NDST4: variants seen among roughly 807,000 people sequenced by gnomAD.
NDST4 encodes N-heparan sulfate sulfotransferase 4.
NDST4 carries 63 observed loss-of-function variants against 100.8 expected under a neutral mutation model. The observed-to-expected ratio is 0.62, with a 90% CI of 0.51 to 0.77. The LOEUF (loss-of-function observed/expected upper bound fraction) is 0.77. Among genes scored for constraint, NDST4 ranks in the 30% least tolerant of loss-of-function variants. The pLI, the probability that NDST4 is intolerant of heterozygous loss-of-function variation, is 0.00. For missense variants in NDST4, 943 were observed against 1,018.4 expected (o/e 0.93, Z 1.01); for synonymous variants, 377 against 361.8 (o/e 1.04, Z -0.48).
At chr4:114,945,506 T>C (rs929173111) in intron 4 of NDST4, among the ~76,000 whole-genome samples, 6 of 152,180 alleles carry the variant, frequency 3.9e-5, no homozygotes, top group Non-Finnish European at 8.8e-5. Flanking sequence ...TGATAAATAA[T>C]TTTAAAGGAA....
At chr4:114,886,436 C>T (rs970900724) in intron 6 of NDST4, among the ~76,000 whole-genome samples, 4 of 151,956 alleles carry the variant, frequency 2.6e-5, no homozygotes, top group Non-Finnish European at 5.9e-5. Flanking sequence ...AAACACTTTC[C>T]GGTAGCTGTT....
chr4:115,046,989 C>T (rs536013446), intron 2 of NDST4, among the ~76,000 whole-genome samples: 4 of 152,062 alleles, frequency 2.6e-5, no homozygotes, highest in African/African-American at 4.8e-5. Flanking sequence ...CACATTCTAA[C>T]AGCTTAAGCA....
intron 6 of NDST4, among the ~76,000 whole-genome samples, chr4:114,876,688 T>C (rs1435446476): frequency 6.6e-6 from 1 of 152,176 alleles, no homozygotes; most frequent in Non-Finnish European, 1.5e-5. Flanking sequence ...AATATAACTA[T>C]ATTAATCTTT....
intron 1 of NDST4, among the ~76,000 whole-genome samples, chr4:115,078,187 C>A (rs1028187448): frequency 6.6e-5 from 10 of 152,116 alleles, no homozygotes; most frequent in Non-Finnish European, 7.4e-5. Context: ...CACGGTTCTG[C>A]AGGCTGTACA....
At chr4:114,962,922 G>A (rs75283452) in intron 4 of NDST4, among the ~76,000 whole-genome samples, 1 of 151,962 alleles carries the variant, frequency 6.6e-6, no homozygotes, top group Non-Finnish European at 1.5e-5. Context: ...TAATAACAAG[G>A]GTTGGTGAGA....
intron 2 of NDST4, among the ~76,000 whole-genome samples, chr4:114,994,767 T>C (rs544284455): frequency 6.6e-6 from 1 of 152,070 alleles, no homozygotes; most frequent in Non-Finnish European, 1.5e-5. Context: ...GAAAAAATCT[T>C]ATCCTCTTGG....
chr4:115,037,840 A>C (rs976648712), intron 2 of NDST4, among the ~76,000 whole-genome samples: 4 of 152,162 alleles, frequency 2.6e-5, no homozygotes. Flanking sequence ...AGTAGCCTAC[A>C]CTTAAATTAT....
chr4:114,986,832 A>ATATATATATATATATATATATATTT, intron 2 of NDST4, among the ~76,000 whole-genome samples: 1 of 94,656 alleles, frequency 1.1e-5, no homozygotes, highest in Non-Finnish European at 2.2e-5. Context: ...ATATATATAT[A>ATATATATATATATATATATATATTT]TTTTAATATA....
At chr4:114,997,393 T>C (rs1278495665) in intron 2 of NDST4, among the ~76,000 whole-genome samples, 2 of 151,980 alleles carry the variant, frequency 1.3e-5, no homozygotes, top group South Asian at 2.1e-4. Flanking sequence ...AAAGGAAAAA[T>C]ATATCTGTCA....
chr4:115,082,378 C>A (rs1212707353), intron 1 of NDST4, among the ~76,000 whole-genome samples: 2 of 152,108 alleles, frequency 1.3e-5, no homozygotes, highest in Admixed American at 6.6e-5. Flanking sequence ...CTAGTAATCT[C>A]TGGTAGCAGC....
chr4:114,907,902 GA>G (rs1724984976), intron 6 of NDST4, among the ~76,000 whole-genome samples: 1 of 152,166 alleles, frequency 6.6e-6, no homozygotes, highest in African/African-American at 2.4e-5. Context: ...CTGTTGGTGT[GA>G]GACTAACTAG....
intron 2 of NDST4, among the ~76,000 whole-genome samples, chr4:114,998,077 T>C (rs1379640591): frequency 6.6e-6 from 1 of 152,108 alleles, no homozygotes; most frequent in Non-Finnish European, 1.5e-5. Flanking sequence ...TGCTTTATAC[T>C]GGATTCCTAT....
intron 6 of NDST4, among the ~76,000 whole-genome samples, chr4:114,934,459 C>A (rs1332223721): frequency 6.6e-6 from 1 of 151,256 alleles, no homozygotes; most frequent in Non-Finnish European, 1.5e-5. Context: ...GAGTCTGAGG[C>A]AGGAGAATGG....
chr4:114,921,658 C>T (rs1725288640), intron 6 of NDST4, among the ~76,000 whole-genome samples: 1 of 152,040 alleles, frequency 6.6e-6, no homozygotes, highest in African/African-American at 2.4e-5. Context: ...GTTTTATAGA[C>T]ATATTCAGAA....
In NDST4 at chr4:115,076,415, G is replaced by C; in HGVS notation, c.622C>G (p.Pro208Ala). 1 of 1,613,954 alleles carries C rather than the reference G, an allele frequency of 6.2e-7. No individual in the cohort carries two copies. ...GGAAGAGGGCCTTTCTCAACCTTGG[G>C]GGCTTTGGTAATATGCAGCAAAGGA... ...QSPLLHITKA[P>A]KVEKGPLPGE... Residue 208 changes from proline to alanine, a missense_variant, in exon 2 of 14, where the codon CCC becomes GCC. Coordinates refer to ENST00000264363, the MANE Select transcript of NDST4 (RefSeq NM_022569.3).
At position 114,835,940 on chromosome 4, in the gene NDST4, A is replaced by AT. The variant is rs200954510; in HGVS notation, c.2287-2226dup. Among the ~76,000 whole-genome samples, 205 of 150,132 alleles carry AT rather than the reference A, an allele frequency of 1.4e-3. 1 individual carries two copies. The highest frequency in any genetic ancestry group is 5.2e-3 in the Admixed American group (79 of 15,080). Reference sequence around the variant, plus strand: ...CAGAGACTAGGATTGCAACCTCTGCATTTTTTTTTCTTTCCACTTGCTTTG... The same window carrying AT: ...CAGAGACTAGGATTGCAACCTCTGCATTTTTTTTTTCTTTCCACTTGCTTTG... On this transcript the variant is annotated intron_variant, in intron 11 of 13. Coordinates refer to ENST00000264363, the MANE Select transcript of NDST4 (RefSeq NM_022569.3).
At chr4:114,922,018 C>G (rs981372498) in intron 6 of NDST4, among the ~76,000 whole-genome samples, 1 of 152,086 alleles carries the variant, frequency 6.6e-6, no homozygotes, top group Non-Finnish European at 1.5e-5. Context: ...TAGTCAGACC[C>G]AGGCAGGGCA....
At chr4:114,997,028 T>C (rs2583513) in intron 2 of NDST4, among the ~76,000 whole-genome samples, 62,253 of 151,866 alleles carry the variant, frequency 0.41, 13,784 homozygotes, top group African/African-American at 0.58. Flanking sequence ...TGTTGTATTT[T>C]GTTGCTTAAA....
intron 1 of NDST4, among the ~76,000 whole-genome samples, chr4:115,084,166 G>A (rs1011042199): frequency 3.9e-5 from 6 of 152,168 alleles, no homozygotes; most frequent in Admixed American, 1.3e-4. Flanking sequence ...ATGTTGATGA[G>A]GAACTTGTTG....
Sources: gnomAD v4.1 joint callset for allele counts (sites outside exome capture counted in the v4.1 genomes callset) on GRCh38, gnomAD v4.1.1 for gene constraint, MANE v1.5 for transcripts, NCBI Gene and HGNC (gene_info 2026-07-23, HGNC 2026-07-21) for gene names.